Variants in CEP85L observed in about 807,000 individuals in gnomAD.
CEP85L encodes the protein centrosomal protein of 85 kDa-like.
Under a neutral mutation model 100.3 loss-of-function variants are expected in CEP85L, and 60 were observed. The observed-to-expected ratio is 0.60, with a 90% confidence interval of 0.49 to 0.74. CEP85L has a LOEUF of 0.74. Among genes scored for constraint, CEP85L ranks in the 30% least tolerant of loss-of-function variants. The probability of loss-of-function intolerance (pLI) is 0.00; values close to 1 mark genes in which losing one functional copy is unlikely to be tolerated. For missense variants in CEP85L, 973 were observed against 936.2 expected (o/e 1.04, Z -0.51); for synonymous variants, 319 against 322.7 (o/e 0.99, Z 0.12).
At chr6:118,654,604 C>T (rs1775711625), upstream of CEP85L, among the ~76,000 whole-genome samples, 1 of 151,860 alleles carries the variant, frequency 6.6e-6, no homozygotes, top group African/African-American at 2.4e-5. Context: ...TGTTGTAATC[C>T]CAAAAATCAT....
intron 1 of CEP85L, among the ~76,000 whole-genome samples, chr6:118,697,878 C>T (rs796457309): frequency 3.9e-5 from 6 of 152,276 alleles, no homozygotes; most frequent in African/African-American, 1.4e-4. Flanking sequence ...AGTATTAAGC[C>T]AAGTGCTATT....
chr6:118,499,197 GA>G (rs1415278588), intron 5 of CEP85L, among the ~76,000 whole-genome samples: 1 of 152,046 alleles, frequency 6.6e-6, no homozygotes, highest in Non-Finnish European at 1.5e-5. Context: ...TAGGAAATCA[GA>G]AAAAGTAGAG....
intron 3 of CEP85L, among the ~76,000 whole-genome samples, chr6:118,556,738 TGTCTGGCA>T (rs1270955892): frequency 6.6e-6 from 1 of 152,226 alleles, no homozygotes; most frequent in Non-Finnish European, 1.5e-5. Context: ...ACAGTCACTA[TGTCTGGCA>T]GTTAATTACT....
chr6:118,651,795 G>A, upstream of CEP85L: 1 of 985,800 alleles, frequency 1.0e-6, no homozygotes, highest in Non-Finnish European at 1.2e-6. Flanking sequence ...GCATCCCTCT[G>A]TCTCCATCCT....
chr6:118,624,479 TCTC>T (rs773322474), intron 2 of CEP85L, among the ~76,000 whole-genome samples: 7 of 152,224 alleles, frequency 4.6e-5, no homozygotes, highest in Non-Finnish European at 8.8e-5. Flanking sequence ...TTCTTTTAAC[TCTC>T]CTAAGTATTC....
At chr6:118,688,043 A>C (rs1776895510) in intron 1 of CEP85L, among the ~76,000 whole-genome samples, 1 of 152,154 alleles carries the variant, frequency 6.6e-6, no homozygotes, top group African/African-American at 2.4e-5. Flanking sequence ...CAAGAACCCC[A>C]GGTCAGAGAA....
At chr6:118,593,608 C>A (rs1781308186) in intron 2 of CEP85L, among the ~76,000 whole-genome samples, 1 of 151,588 alleles carries the variant, frequency 6.6e-6, no homozygotes, top group African/African-American at 2.4e-5. Flanking sequence ...TCCCACCAGG[C>A]CCTACCAACA....
chr6:118,651,793 C>G, upstream of CEP85L: 6 of 985,994 alleles, frequency 6.1e-6, no homozygotes, highest in Non-Finnish European at 6.0e-6. Context: ...CCGCATCCCT[C>G]TGTCTCCATC....
intron 2 of CEP85L, among the ~76,000 whole-genome samples, chr6:118,588,503 C>T (rs1476853726): frequency 2.0e-5 from 3 of 152,026 alleles, no homozygotes; most frequent in Non-Finnish European, 4.4e-5. Context: ...CTGGATTAAC[C>T]CTCTAGTAGA....
chr6:118,610,497 T>C (rs1250493106), intron 2 of CEP85L, among the ~76,000 whole-genome samples: 1 of 151,998 alleles, frequency 6.6e-6, no homozygotes, highest in Non-Finnish European at 1.5e-5. Flanking sequence ...CATCACTGAG[T>C]AGTAACAAGG....
At chr6:118,560,339 T>C (rs1003201127) in intron 3 of CEP85L, 1 of 166,918 alleles carries the variant, frequency 6.0e-6, no homozygotes, top group African/African-American at 2.4e-5. Flanking sequence ...ATTCCTACAA[T>C]AAAGTAAGCT....
intron 1 of CEP85L, among the ~76,000 whole-genome samples, chr6:118,650,315 C>T (rs1775463658): frequency 1.3e-5 from 2 of 152,190 alleles, no homozygotes; most frequent in Admixed American, 1.3e-4. Context: ...AGACCATCAT[C>T]TTTAGAGAAC....
chr6:118,632,810 T>C (rs890191019), intron 1 of CEP85L, among the ~76,000 whole-genome samples, 199 bp from the exon 2 acceptor site: 9 of 152,248 alleles, frequency 5.9e-5, no homozygotes, highest in Non-Finnish European at 7.3e-5. Flanking sequence ...ATTACATAGC[T>C]TCCTCTAGCT....
At chr6:118,558,818 A>G in intron 3 of CEP85L, 1 of 789,908 alleles carries the variant, frequency 1.3e-6, no homozygotes, top group Admixed American at 2.0e-5. Flanking sequence ...TTATTTTTAC[A>G]TTCCAGGCTA....
chr6:118,600,300 G>GGGTGTGTGTGTGTGTGTGT (rs1562297733), intron 2 of CEP85L, among the ~76,000 whole-genome samples: 4 of 52,236 alleles, frequency 7.7e-5, no homozygotes, highest in African/African-American at 1.4e-4. Flanking sequence ...CCTTCCTGGG[G>GGGTGTGTGTGTGTGTGTGT]GTGTGTGTGT....
At chr6:118,568,096 C>T (rs1246211185) in intron 2 of CEP85L, among the ~76,000 whole-genome samples, 3 of 152,152 alleles carry the variant, frequency 2.0e-5, no homozygotes, top group Non-Finnish European at 2.9e-5. Context: ...AAAATGGACT[C>T]GGTGTGGAGC....
rs532366921 is a variant in CEP85L, at chr6:118,566,033, G to A, written c.516C>T (p.Gly172=). 51 of 1,614,112 alleles carry A rather than the reference G, an allele frequency of 3.2e-5. No individual in the cohort carries two copies. The South Asian group carries it at 5.1e-4, about 16-fold the overall frequency. The change falls in exon 3 of 13, where the codon GGC becomes GGT. Residue 172 remains glycine, a synonymous_variant. Transcript: ENST00000368491. ...TCCTTGACTCTTCTCTGCATACAGT[G>A]CCACCCTGGCCACAGTTATCCGGGG... is the stretch of plus-strand genomic sequence containing the variant. The part of the protein sequence containing the change: ...LTAPDNCGQG[G]TVCREESRNG...
chr6:118,557,045 G>T (rs1008902385), intron 3 of CEP85L, among the ~76,000 whole-genome samples: 1 of 152,176 alleles, frequency 6.6e-6, no homozygotes, highest in African/African-American at 2.4e-5. Flanking sequence ...GTCTGTGGTA[G>T]TGAGATAATA....
At chr6:118,501,119 C>T (rs1261744043) in intron 5 of CEP85L, among the ~76,000 whole-genome samples, 1 of 152,208 alleles carries the variant, frequency 6.6e-6, no homozygotes, top group Non-Finnish European at 1.5e-5. Flanking sequence ...CTCCAAACTG[C>T]CCGTGGAGAG....
Sources: gnomAD v4.1 joint callset for allele counts (sites outside exome capture counted in the v4.1 genomes callset) on GRCh38, gnomAD v4.1.1 for gene constraint, MANE v1.5 for transcripts, NCBI Gene and HGNC (gene_info 2026-07-23, HGNC 2026-07-21) for gene names.